CNTLN: variants seen among roughly 807,000 people sequenced by gnomAD.
CNTLN encodes centlein, also known as centlein, centrosomal protein.
In CNTLN, 212 loss-of-function variants were observed where a neutral mutation model predicts 180.0. The ratio of observed to expected loss-of-function variants is 1.18; its 90% CI spans 1.05 to 1.32. The LOEUF (loss-of-function observed/expected upper bound fraction) is 1.32. Ranked by LOEUF, CNTLN falls within the 40% of genes most tolerant of loss-of-function variation. The probability of loss-of-function intolerance (pLI) is 0.00; values close to 1 mark genes in which losing one functional copy is unlikely to be tolerated. For missense variants in CNTLN, 2,095 were observed against 1,610.9 expected (o/e 1.30, Z -5.14); for synonymous variants, 722 against 563.1 (o/e 1.28, Z -3.99).
At chr9:17,434,977 T>G (rs1286005632) in intron 18 of CNTLN, among the ~76,000 whole-genome samples, 1 of 152,188 alleles carries the variant, frequency 6.6e-6, no homozygotes, top group Non-Finnish European at 1.5e-5. Context: ...CTTTCAAGAT[T>G]TTTTTGTCTT....
At chr9:17,204,502 G>T (rs1022640983) in intron 2 of CNTLN, among the ~76,000 whole-genome samples, 1 of 152,198 alleles carries the variant, frequency 6.6e-6, no homozygotes, top group Non-Finnish European at 1.5e-5. Flanking sequence ...ACCAGCTGAG[G>T]CTGGAGAACA....
At chr9:17,277,331 T>C (rs1420096473) in intron 6 of CNTLN, among the ~76,000 whole-genome samples, 1 of 152,052 alleles carries the variant, frequency 6.6e-6, no homozygotes. Flanking sequence ...TGTTAGAAAT[T>C]GAGTCAAGAC....
chr9:17,393,712 CAA>C (rs1414165954), intron 14 of CNTLN, among the ~76,000 whole-genome samples: 31 of 152,232 alleles, frequency 2.0e-4, no homozygotes, highest in African/African-American at 7.5e-4. Context: ...ACTTTACAAA[CAA>C]TAACACTTAT....
chr9:17,261,870 A>G (rs941118320), intron 5 of CNTLN, among the ~76,000 whole-genome samples: 2 of 151,754 alleles, frequency 1.3e-5, no homozygotes, highest in East Asian at 1.9e-4. Flanking sequence ...AGGAACTTAA[A>G]CAAATTTACA....
chr9:17,405,381 G>C (rs1250877080), intron 15 of CNTLN, among the ~76,000 whole-genome samples: 2 of 151,830 alleles, frequency 1.3e-5, no homozygotes, highest in East Asian at 3.9e-4. Flanking sequence ...ATTTCTTACA[G>C]TTCCGGAAGC....
intron 5 of CNTLN, among the ~76,000 whole-genome samples, chr9:17,256,768 G>T (rs374687337): frequency 7.9e-5 from 12 of 151,752 alleles, no homozygotes; most frequent in African/African-American, 2.4e-4. Flanking sequence ...AAAGCAGAGG[G>T]GATTTGGGGA....
chr9:17,251,822 C>T (rs1826161078), intron 5 of CNTLN, among the ~76,000 whole-genome samples: 1 of 151,802 alleles, frequency 6.6e-6, no homozygotes, highest in Non-Finnish European at 1.5e-5. Context: ...TGCTATCAAA[C>T]ACTAGAACTT....
chr9:17,366,666 G>T lies in CNTLN; in HGVS notation c.1936G>T (p.Asp646Tyr). Residue 646 changes from aspartate to tyrosine, a missense_variant, in exon 13 of 26, where the codon GAT becomes TAT. Asp to Tyr is a radical substitution (Grantham distance 160). Coordinates refer to ENST00000380647, the MANE Select transcript of CNTLN (RefSeq NM_017738.4). ...LDELKVHISI[D>Y]KAAIQELNRC... ...TGAACTTAAAGTACATATATCTATT[G>T]ATAAGGCAGCAATACAAGAATTGAA... is the stretch of plus-strand genomic sequence containing the variant. The T allele has an allele frequency of 6.3e-7, 1 of 1,590,242 alleles. No homozygotes were observed. Among genetic ancestry groups the T allele is most frequent in the Non-Finnish European group, 8.6e-7 (1 of 1,164,946 alleles).
intron 12 of CNTLN, among the ~76,000 whole-genome samples, chr9:17,352,410 A>AT (rs1473999497): frequency 1.5e-4 from 3 of 19,904 alleles, no homozygotes; most frequent in African/African-American, 1.6e-4. Flanking sequence ...ATATATATAT[A>AT]TATATATTTT....
At chr9:17,294,187 A>G (rs1472782479) in intron 6 of CNTLN, among the ~76,000 whole-genome samples, 1 of 151,824 alleles carries the variant, frequency 6.6e-6, no homozygotes, top group Admixed American at 6.5e-5. Flanking sequence ...AGCAGCAGCA[A>G]GATTTATTGC....
downstream of CNTLN, among the ~76,000 whole-genome samples, chr9:17,506,865 T>G (rs1224436409): frequency 6.6e-6 from 1 of 152,144 alleles, no homozygotes; most frequent in Non-Finnish European, 1.5e-5. Context: ...ATACATAATT[T>G]TACATACGTA....
At chr9:17,405,814 G>C (rs552155199) in intron 15 of CNTLN, among the ~76,000 whole-genome samples, 3 of 151,540 alleles carry the variant, frequency 2.0e-5, no homozygotes, top group African/African-American at 4.9e-5. Context: ...TTTAGATGGA[G>C]TTTTGCTCCT....
At chr9:17,325,282 A>T (rs1375740081) in intron 8 of CNTLN, among the ~76,000 whole-genome samples, 2 of 134,598 alleles carry the variant, frequency 1.5e-5, no homozygotes, top group African/African-American at 5.2e-5. Flanking sequence ...TTGGTAATAG[A>T]CATATTGCTG....
chr9:17,427,597 A>G (rs952786830), intron 18 of CNTLN, among the ~76,000 whole-genome samples: 3 of 152,188 alleles, frequency 2.0e-5, no homozygotes, highest in African/African-American at 7.2e-5. Flanking sequence ...ATACTAATAC[A>G]TATAGGCATG....
the CNTLN span, among the ~76,000 whole-genome samples, chr9:17,513,532 CA>C: frequency 6.6e-6 from 1 of 151,914 alleles, no homozygotes; most frequent in East Asian, 2.0e-4. Flanking sequence ...CCCTTCTGTA[CA>C]AAAAATACAA....
intron 25 of CNTLN, among the ~76,000 whole-genome samples, chr9:17,490,357 G>A (rs1833093866): frequency 1.3e-5 from 2 of 152,018 alleles, no homozygotes; most frequent in Admixed American, 1.3e-4. Context: ...GATGAAAGGG[G>A]TCTGGGTGGA....
intron 18 of CNTLN, among the ~76,000 whole-genome samples, chr9:17,416,893 T>G (rs987986379): frequency 1.3e-5 from 2 of 150,028 alleles, no homozygotes; most frequent in Non-Finnish European, 2.9e-5. Flanking sequence ...TATTTCATTA[T>G]ATTAGAAAAC....
intron 1 of CNTLN, among the ~76,000 whole-genome samples, chr9:17,138,735 A>G (rs770630176): frequency 1.4e-3 from 220 of 152,158 alleles, no homozygotes; most frequent in Non-Finnish European, 2.3e-3. Flanking sequence ...TAGATTTAGG[A>G]AACAGTTTCA....
At chr9:17,387,056 C>A (rs1245285954) in intron 13 of CNTLN, among the ~76,000 whole-genome samples, 4 of 152,150 alleles carry the variant, frequency 2.6e-5, no homozygotes, top group Non-Finnish European at 1.5e-5. Flanking sequence ...CCTTCGGATA[C>A]TGTTCTAATT....
Sources: gnomAD v4.1 joint callset for allele counts (sites outside exome capture counted in the v4.1 genomes callset) on GRCh38, gnomAD v4.1.1 for gene constraint, MANE v1.5 for transcripts, NCBI Gene and HGNC (gene_info 2026-07-23, HGNC 2026-07-21) for gene names.